Variants in PRKN observed in about 807,000 individuals in gnomAD.
PRKN encodes parkin RBR E3 ubiquitin protein ligase, also known as E3 ubiquitin-protein ligase parkin.
A neutral mutation model predicts 59.5 loss-of-function variants in PRKN; 56 were observed. That is an observed-to-expected ratio of 0.94 (90% CI 0.76 to 1.18). PRKN has a LOEUF of 1.18. Ranked by LOEUF, PRKN falls within the 50% of genes most tolerant of loss-of-function variation. The pLI is 0.00. For missense variants in PRKN, 657 were observed against 596.4 expected (o/e 1.10, Z -1.06); for synonymous variants, 250 against 222.1 (o/e 1.13, Z -1.12).
At chr6:161,685,324 G>T (rs1478047688) in intron 7 of PRKN, among the ~76,000 whole-genome samples, 4 of 152,126 alleles carry the variant, frequency 2.6e-5, no homozygotes, top group Non-Finnish European at 5.9e-5. Context: ...AGAAACTTGA[G>T]ACCCATCGCA....
chr6:161,844,419 G>A (rs1419077597), intron 6 of PRKN, among the ~76,000 whole-genome samples: 1 of 152,160 alleles, frequency 6.6e-6, no homozygotes. Context: ...CGGGTTTTGG[G>A]TGAAGACTCT....
intron 4 of PRKN, among the ~76,000 whole-genome samples, chr6:162,114,049 G>A (rs1245893668): frequency 6.7e-6 from 1 of 149,488 alleles, no homozygotes; most frequent in Admixed American, 6.7e-5. Context: ...ATTTCTGAGG[G>A]CTCTGTTCTG....
In PRKN at chr6:162,345,878, A is replaced by T. The variant is rs567849532; in HGVS notation, c.172-83113T>A. On this transcript the variant is annotated intron_variant, in intron 2 of 11. Transcript: ENST00000366898. ...TCATATGTTGGAAACTTAATCCCCA[A>T]ATTCGTATGTTGATGGTATTTGGAG... Among the ~76,000 whole-genome samples the T allele has an allele frequency of 7.9e-5, 12 of 152,206 alleles. No homozygotes were observed. In the South Asian group the frequency reaches 1.9e-3, roughly 24 times the overall value.
intron 2 of PRKN, among the ~76,000 whole-genome samples, chr6:162,306,581 C>CGGCCTCACCAGATAG (rs1782238266): frequency 6.6e-6 from 1 of 152,060 alleles, no homozygotes; most frequent in African/African-American, 2.4e-5. Flanking sequence ...AATTGTTTTC[C>CGGCCTCACCAGATAG]CCTGGCTCTT....
chr6:161,349,290 A>AT lies in PRKN; in HGVS notation c.*808dup, dbSNP rs1784433382. 3 of 227,068 alleles carry AT rather than the reference A, an allele frequency of 1.3e-5. No homozygotes were observed. In the East Asian group the frequency reaches 1.9e-4, roughly 15 times the overall value. The allele number at this position is 227,068 out of a possible 1,614,324, so 14.1% of individuals were successfully genotyped here. ...ATGAATACTCAGAATCAAACTATAG[A>AT]TTTTTTGGTGATACTTTCAGAAAAA... On this transcript the variant is annotated 3_prime_UTR_variant, in exon 12 of 12. Coordinates refer to ENST00000366898, the MANE Select transcript of PRKN (RefSeq NM_004562.3). This position sits in a 1 kb window ranked among gnomAD's most constrained non-coding sequence, Gnocchi z 5.5.
intron 3 of PRKN, among the ~76,000 whole-genome samples, chr6:162,233,144 C>T (rs1429614131): frequency 6.6e-6 from 1 of 152,066 alleles, no homozygotes; most frequent in Non-Finnish European, 1.5e-5. Flanking sequence ...GTGAATACTG[C>T]AAAAAGAGGC....
At chr6:162,003,274 A>C (rs1333191571) in intron 5 of PRKN, among the ~76,000 whole-genome samples, 2 of 151,940 alleles carry the variant, frequency 1.3e-5, no homozygotes, top group Admixed American at 1.3e-4. Flanking sequence ...AAGGACTTAT[A>C]TATGAGGACC....
chr6:162,328,595 T>C (rs1264121396), intron 2 of PRKN, among the ~76,000 whole-genome samples: 1 of 152,144 alleles, frequency 6.6e-6, no homozygotes, highest in East Asian at 1.9e-4. Context: ...CGTGCAGACG[T>C]ATCTTATAAG....
At chr6:162,268,462 T>C (rs1780231194) in intron 2 of PRKN, among the ~76,000 whole-genome samples, 1 of 152,182 alleles carries the variant, frequency 6.6e-6, no homozygotes, top group Middle Eastern at 3.2e-3. Flanking sequence ...GCTTTCAGAA[T>C]TTTATAAATT....
intron 1 of PRKN, among the ~76,000 whole-genome samples, chr6:162,506,797 A>C (rs527864217): frequency 6.6e-6 from 1 of 152,294 alleles, no homozygotes; most frequent in African/African-American, 2.4e-5. Context: ...CTTGGAGGCA[A>C]GAGCACATCA....
rs954592636 is a variant in PRKN, at chr6:161,549,103, T to C, written c.934-100A>G. ...CATGGGATTTCTTGCTTAACCAGTT[T>C]CAGTAAAATAATGCATGTGTGTGTG... is the stretch of plus-strand genomic sequence containing the variant. On this transcript the variant is annotated intron_variant, in intron 8 of 11. Coordinates refer to ENST00000366898, the MANE Select transcript of PRKN (RefSeq NM_004562.3). This position sits in a 1 kb window ranked among gnomAD's most constrained non-coding sequence, Gnocchi z 6.0. 5.2e-6 allele frequency: 7 copies of C among 1,347,688 alleles called. No individual in the cohort carries two copies. Among genetic ancestry groups the C allele is most frequent in the African/African-American group, 4.4e-5 (3 of 68,188 alleles). The allele number at this position is 1,347,688 out of a possible 1,614,324, so 83.5% of individuals were successfully genotyped here.
chr6:161,894,253 T>C (rs56853464), intron 6 of PRKN, among the ~76,000 whole-genome samples: 16,947 of 152,140 alleles, frequency 0.11, 1,900 homozygotes, highest in African/African-American at 0.29. Context: ...CATGAATTCC[T>C]TTCCTTTTCT....
At chr6:162,331,725 C>T (rs1783584229) in intron 2 of PRKN, among the ~76,000 whole-genome samples, 1 of 152,140 alleles carries the variant, frequency 6.6e-6, no homozygotes, top group Admixed American at 6.5e-5. Context: ...TAGACCCTGC[C>T]TTTTCTAGAA....
chr6:162,372,585 T>C (rs959961449), intron 2 of PRKN, among the ~76,000 whole-genome samples: 1 of 151,200 alleles, frequency 6.6e-6, no homozygotes, highest in Non-Finnish European at 1.5e-5. Context: ...GGAGGGAGGG[T>C]TGAAAAACTA....
At chr6:161,535,950 C>G (rs559423623) in intron 9 of PRKN, among the ~76,000 whole-genome samples, 7 of 45,222 alleles carry the variant, frequency 1.5e-4, no homozygotes, top group African/African-American at 7.0e-4. Flanking sequence ...CAGAGAGGAA[C>G]AAAAAGATTT....
chr6:162,474,993 C>A (rs1791930981), intron 1 of PRKN, among the ~76,000 whole-genome samples: 1 of 152,110 alleles, frequency 6.6e-6, no homozygotes, highest in Non-Finnish European at 1.5e-5. Context: ...TATAAAAATT[C>A]TTCTGAGAAT....
intron 4 of PRKN, among the ~76,000 whole-genome samples, chr6:162,134,400 G>A (rs1009276392): frequency 6.6e-6 from 1 of 152,102 alleles, no homozygotes; most frequent in Non-Finnish European, 1.5e-5. Flanking sequence ...TGTTTATTTG[G>A]TTGTTTGCTT....
chr6:161,705,253 C>T (rs75131286), intron 7 of PRKN, among the ~76,000 whole-genome samples: 1,841 of 152,262 alleles, frequency 0.012, 38 homozygotes, highest in African/African-American at 0.041. Context: ...CCTAACCCAC[C>T]GAACATCACA....
intron 1 of PRKN, among the ~76,000 whole-genome samples, chr6:162,636,791 C>T (rs1439597575): frequency 1.3e-5 from 2 of 151,892 alleles, no homozygotes; most frequent in African/African-American, 4.8e-5. Context: ...TCAAGACCAG[C>T]TTGGGCAACA....
Sources: gnomAD v4.1 joint callset for allele counts (sites outside exome capture counted in the v4.1 genomes callset) on GRCh38, gnomAD v4.1.1 for gene constraint, Gnocchi (gnomAD v3.1) non-coding constraint, MANE v1.5 for transcripts, NCBI Gene and HGNC (gene_info 2026-07-23, HGNC 2026-07-21) for gene names.